The following CCDC159 variants were observed in gnomAD, a reference collection of about 807,000 sequenced individuals.
The protein encoded by CCDC159 is coiled-coil domain containing 159.
CCDC159 carries 40 observed loss-of-function variants against 50.9 expected under a neutral mutation model. That is an observed-to-expected ratio of 0.79 (90% CI 0.61 to 1.02). The LOEUF is 1.02. Among genes scored for constraint, CCDC159 ranks in the 50% least tolerant of loss-of-function variants. The pLI, the probability that CCDC159 is intolerant of heterozygous loss-of-function variation, is 0.00. For missense variants in CCDC159, 356 were observed against 371.5 expected, an observed-to-expected ratio of 0.96 and a Z score of 0.34; for synonymous variants, 146 against 138.9, an observed-to-expected ratio of 1.05 and a Z score of -0.36.
chr19:11,347,380 G>A (rs1054342722), intron 1 of CCDC159, among the ~76,000 whole-genome samples: 2 of 152,194 alleles, frequency 1.3e-5, no homozygotes, highest in African/African-American at 2.4e-5. Context: ...GCCCGGGCTG[G>A]AGCACAGTGG....
At chr19:11,346,739 A>T in intron 1 of CCDC159, 112 bp downstream of exon 1, 2 of 1,270,718 alleles carry the variant, frequency 1.6e-6, no homozygotes, top group Non-Finnish European at 2.2e-6. Context: ...CGGGAGGGAC[A>T]CGGAAGCAGC....
At chr19:11,353,997 T>C in intron 9 of CCDC159, 123 bp downstream of exon 9, 1 of 761,454 alleles carries the variant, frequency 1.3e-6, no homozygotes, top group Non-Finnish European at 2.1e-6. Context: ...TCACATTAAG[T>C]AGTGTTCTGG....
intron 1 of CCDC159, chr19:11,349,135 C>T: frequency 7.4e-7 from 1 of 1,351,988 alleles, no homozygotes; most frequent in Non-Finnish European, 9.8e-7. Flanking sequence ...CCAGTCCAGA[C>T]CTGCAGAAGC....
At chr19:11,350,766 G>A (rs1323174810) in intron 4 of CCDC159, 42 bp from the exon 5 acceptor site, 1 of 1,501,542 alleles carries the variant, frequency 6.7e-7, no homozygotes, top group East Asian at 2.5e-5. Context: ...GCTGGGTTCA[G>A]GGTGGGATCA....
intron 1 of CCDC159, chr19:11,348,204 T>C (rs1967372128): frequency 1.3e-5 from 6 of 450,638 alleles, no homozygotes. Context: ...TGGACTCTTC[T>C]GAGGCCTGAT....
At chr19:11,348,271 T>C in intron 1 of CCDC159, 2 of 398,034 alleles carry the variant, frequency 5.0e-6, no homozygotes, top group South Asian at 3.7e-5. Context: ...ACCTTGGGGC[T>C]GGGATAATCT....
intron 8 of CCDC159, 65 bp downstream of exon 8, chr19:11,353,637 G>A: frequency 3.7e-6 from 6 of 1,601,166 alleles, no homozygotes; most frequent in Non-Finnish European, 5.1e-6. Context: ...ACGGGATCTG[G>A]CAGTGACCAC....
In CCDC159 at chr19:11,346,578, A is replaced by G. The variant is rs1967242285; in HGVS notation, c.-29A>G. 1 of 1,551,376 alleles carries G rather than the reference A, an allele frequency of 6.4e-7. No individual in the cohort carries two copies. The highest frequency in any genetic ancestry group is 8.7e-7 in the Non-Finnish European group (1 of 1,146,756). ...CCCCGCGGGATCAAACTTCAGCGTC[A>G]CAGCTGAGGACTGGCTTCGTGGTCC... On this transcript the variant is annotated 5_prime_UTR_variant, in exon 1 of 11. Transcript: ENST00000458408.
intron 10 of CCDC159, 71 bp from the exon 11 acceptor site, chr19:11,354,802 G>A: frequency 6.2e-7 from 1 of 1,611,830 alleles, no homozygotes; most frequent in Non-Finnish European, 8.5e-7. Context: ...ATCTGGGCAT[G>A]CGGTCCCTGA....
Position 11,354,861 on chromosome 19 carries a change from C to T in CCDC159, c.890-12C>T, listed in dbSNP as rs141895596. 335 of 1,613,360 alleles carry T rather than the reference C, an allele frequency of 2.1e-4. 3 individuals carry two copies. The East Asian group carries it at 5.9e-3, about 28-fold the overall frequency. On this transcript the variant is annotated splice_polypyrimidine_tract_variant and intron_variant, in intron 10 of 10. Transcript: ENST00000458408. ...ACCTGGCCAGGCCCTGACCCACCCT[C>T]TCTCTCCACAGCTTGAGCAGCCGGG...
At chr19:11,348,750 C>A (rs758575701) in intron 1 of CCDC159, 1 of 506,600 alleles carries the variant, frequency 2.0e-6, no homozygotes, top group Non-Finnish European at 3.9e-6. Context: ...CTACTCACAG[C>A]GACCCTCTTT....
chr19:11,354,931 C>T lies in CCDC159; in HGVS notation c.*54C>T. The T allele has an allele frequency of 1.3e-6, 2 of 1,584,930 alleles. No homozygotes were observed. Among genetic ancestry groups the T allele is most frequent in the Non-Finnish European group, 1.7e-6 (2 of 1,153,658 alleles). On this transcript the variant is annotated 3_prime_UTR_variant, in exon 11 of 11. Transcript: ENST00000458408. ...CCTCCAGAGAGAAAATAAACTAGCC[C>T]AGACCCTCCTCTAGCCCCGACTGTT... is the stretch of plus-strand genomic sequence containing the variant.
chr19:11,346,550 T>C lies in CCDC159; in HGVS notation c.-57T>C. ...GTCTCTGAGCGTTTTAATACGATGG[T>C]GTCCCCGCGGGATCAAACTTCAGCG... is the stretch of plus-strand genomic sequence containing the variant. On this transcript the variant is annotated 5_prime_UTR_variant, in exon 1 of 11. Transcript: ENST00000458408. The C allele has an allele frequency of 1.3e-6, 2 of 1,545,642 alleles. No individual in the cohort carries two copies. The highest frequency in any genetic ancestry group is 8.8e-7 in the Non-Finnish European group (1 of 1,141,586).
chr19:11,353,644 C>A, intron 8 of CCDC159, 72 bp downstream of exon 8: 3 of 1,599,084 alleles, frequency 1.9e-6, no homozygotes, highest in Non-Finnish European at 1.7e-6. Context: ...CTGGCAGTGA[C>A]CACCAGAACC....
chr19:11,351,640 T>A, intron 5 of CCDC159: 1 of 293,206 alleles, frequency 3.4e-6, no homozygotes, highest in South Asian at 4.1e-5. Flanking sequence ...ACTGGGGGTA[T>A]AGAAAGTCGG....
intron 7 of CCDC159, chr19:11,352,356 C>T: frequency 1.8e-6 from 1 of 541,934 alleles, no homozygotes; most frequent in South Asian, 2.0e-5. Flanking sequence ...TGGCTCACGC[C>T]TGTAATCCCA....
In CCDC159 at chr19:11,353,893, T is replaced by C. The variant is rs535780699; in HGVS notation, c.772+19T>C. 6.9e-5 allele frequency: 106 copies of C among 1,543,614 alleles called. 2 individuals are homozygous for C. The South Asian group carries it at 1.0e-3, about 15-fold the overall frequency. On this transcript the variant is annotated intron_variant, in intron 9 of 10. Transcript: ENST00000458408. The stretch of plus-strand genomic sequence containing the variant: ...CTAAGAGGTGAGGGAGGCTGAGAAT[T>C]GCTCAGGGGTGGGAGGTCATTGTCT...
At chr19:11,348,632 C>G (rs1229431474) in intron 1 of CCDC159, 1 of 426,426 alleles carries the variant, frequency 2.3e-6, no homozygotes, top group South Asian at 1.7e-5. Context: ...TTGGCTCCTA[C>G]CATAACTGAG....
intron 1 of CCDC159, chr19:11,349,073 T>A: frequency 2.2e-6 from 3 of 1,345,520 alleles, no homozygotes; most frequent in Non-Finnish European, 2.9e-6. Context: ...GACTGCAGAC[T>A]GCAGGCCAGG....
Sources: allele counts gnomAD v4.1 joint callset (sites outside exome capture counted in the v4.1 genomes callset), GRCh38; gene constraint gnomAD v4.1.1; transcripts MANE v1.5; gene names NCBI Gene and HGNC (gene_info 2026-07-23, HGNC 2026-07-21).